ASTN2: variants seen among roughly 807,000 people sequenced by gnomAD.
ASTN2 encodes the protein astrotactin 2.
Under a neutral mutation model 139.8 loss-of-function variants are expected in ASTN2, and 54 were observed. The observed-to-expected ratio is 0.39, with a 90% CI of 0.31 to 0.48. The LOEUF (loss-of-function observed/expected upper bound fraction) is 0.48, where lower values mean the gene tolerates loss of function less well. Ranked by LOEUF, ASTN2 falls within the 20% of genes least tolerant of loss-of-function variation. The probability of loss-of-function intolerance (pLI) is 0.95; values close to 1 mark genes in which losing one functional copy is unlikely to be tolerated. For missense variants in ASTN2, 1,565 were observed against 1,725.1 expected (o/e 0.91, Z 1.64); for synonymous variants, 756 against 719.5 (o/e 1.05, Z -0.81).
chr9:117,161,468 A>C (rs926582351), intron 3 of ASTN2, among the ~76,000 whole-genome samples: 3 of 151,990 alleles, frequency 2.0e-5, no homozygotes, highest in Non-Finnish European at 4.4e-5. Flanking sequence ...ATCTCGGCTC[A>C]CTGCAACCTA....
chr9:117,149,502 C>A (rs1212004919), intron 3 of ASTN2, among the ~76,000 whole-genome samples: 2 of 151,950 alleles, frequency 1.3e-5, no homozygotes, highest in African/African-American at 4.8e-5. Context: ...ACCAATGCAA[C>A]CTCAGTTTGT....
At chr9:117,403,430 A>C (rs1830894157) in intron 1 of ASTN2, among the ~76,000 whole-genome samples, 1 of 152,198 alleles carries the variant, frequency 6.6e-6, no homozygotes, top group Admixed American at 6.5e-5. Context: ...TCAAAGGACC[A>C]GTCCTGCTCC....
intron 5 of ASTN2, among the ~76,000 whole-genome samples, chr9:117,056,439 G>A (rs1839066772): frequency 6.6e-6 from 1 of 152,154 alleles, no homozygotes; most frequent in South Asian, 2.1e-4. Context: ...GCAACTCATA[G>A]AACTTGCAAA....
chr9:116,904,912 T>G (rs1474492515), intron 10 of ASTN2, among the ~76,000 whole-genome samples: 1 of 152,174 alleles, frequency 6.6e-6, no homozygotes, highest in Middle Eastern at 3.2e-3. Context: ...CAGCCATTTG[T>G]GACTATGAGG....
At chr9:116,691,864 G>A (rs1219848073) in intron 16 of ASTN2, among the ~76,000 whole-genome samples, 5 of 152,154 alleles carry the variant, frequency 3.3e-5, no homozygotes, top group Non-Finnish European at 5.9e-5. Context: ...TTAGAAAGCT[G>A]ACATAAAAGG....
chr9:117,109,175 A>G (rs1178302017), intron 4 of ASTN2, among the ~76,000 whole-genome samples: 1 of 151,908 alleles, frequency 6.6e-6, no homozygotes, highest in African/African-American at 2.4e-5. Flanking sequence ...CCAGCTACTC[A>G]AGAGGCTGAG....
At position 117,039,886 on chromosome 9, in the gene ASTN2, G is replaced by A; in HGVS notation, c.1356C>T (p.Gly452=). Residue 452 remains glycine (G), a synonymous_variant, in exon 6 of 23, where the codon GGC becomes GGT. Transcript: ENST00000313400. ...CAGTGAGTGGACAAGACATCTGGCT[G>A]CCACACACCATGGCCAGGATGCAGG... ...VSSCILAMVC[G]SQMSCPLTVK... The A allele has an allele frequency of 1.2e-6, 2 of 1,613,774 alleles. No individual in the cohort carries two copies. The highest frequency in any genetic ancestry group is 8.5e-7 in the Non-Finnish European group (1 of 1,179,850).
intron 19 of ASTN2, among the ~76,000 whole-genome samples, chr9:116,591,336 C>T (rs1854370702): frequency 6.6e-6 from 1 of 152,184 alleles, no homozygotes; most frequent in Non-Finnish European, 1.5e-5. Context: ...AACCTGAAGC[C>T]ACCTGCCCTT....
Position 117,360,968 on chromosome 9 carries a change from C to T in ASTN2, c.442+53529G>A, listed in dbSNP as rs144773786. The stretch of plus-strand genomic sequence containing the variant: ...AGAATTGGTGACATTATTTATTTCT[C>T]ATATCCTCAGGACTTAAATCCCCGA... On this transcript the variant is annotated intron_variant, in intron 1 of 22. Transcript: ENST00000313400. Among the ~76,000 whole-genome samples, 1,419 of 152,154 alleles carry T rather than the reference C, an allele frequency of 9.3e-3. 28 individuals carry two copies. The highest frequency in any genetic ancestry group is 0.032 in the African/African-American group (1,345 of 41,504).
chr9:117,047,144 G>A (rs1280073752), intron 5 of ASTN2, among the ~76,000 whole-genome samples: 2 of 152,150 alleles, frequency 1.3e-5, no homozygotes, highest in Non-Finnish European at 2.9e-5. Flanking sequence ...CTGAAATTGG[G>A]ACACGTCATC....
At chr9:116,599,454 A>T (rs1289590973) in intron 19 of ASTN2, among the ~76,000 whole-genome samples, 1 of 152,254 alleles carries the variant, frequency 6.6e-6, no homozygotes, top group African/African-American at 2.4e-5. Context: ...TATCATCTAC[A>T]TGCCCCAGGC....
chr9:116,766,608 A>G (rs1479947398), intron 13 of ASTN2, among the ~76,000 whole-genome samples: 2 of 151,984 alleles, frequency 1.3e-5, no homozygotes, highest in Non-Finnish European at 1.5e-5. Flanking sequence ...ATCACACACA[A>G]GCATACATAT....
chr9:116,771,020 T>G (rs1055467604), intron 13 of ASTN2, among the ~76,000 whole-genome samples: 5 of 152,208 alleles, frequency 3.3e-5, no homozygotes, highest in Admixed American at 2.0e-4. Context: ...TCTTATGTAT[T>G]TTCTGTCATG....
chr9:117,339,922 A>G (rs978536543), intron 1 of ASTN2, among the ~76,000 whole-genome samples: 2 of 152,072 alleles, frequency 1.3e-5, no homozygotes, highest in East Asian at 1.9e-4. Context: ...AAAAAAAAAA[A>G]AATTTAAAGA....
In ASTN2 at chr9:116,742,877, C is replaced by G. The variant is rs1829131115; in HGVS notation, c.2397-9354G>C. 3.9e-5 allele frequency among the ~76,000 whole-genome samples: 6 copies of G among 152,130 alleles called. No individual in the cohort carries two copies. The South Asian group carries it at 1.0e-3, about 26-fold the overall frequency. On this transcript the variant is annotated intron_variant, in intron 13 of 22. Coordinates refer to ENST00000313400, the MANE Select transcript of ASTN2 (RefSeq NM_001365068.1). ...GAGGCTGAGATTAGAACATTAGAAC[C>G]AAGGGGGCTTCAGAGTGTTGAGACC... is the stretch of plus-strand genomic sequence containing the variant.
At chr9:116,824,625 C>T (rs1158945384) in intron 11 of ASTN2, among the ~76,000 whole-genome samples, 2 of 152,210 alleles carry the variant, frequency 1.3e-5, no homozygotes, top group Non-Finnish European at 2.9e-5. Flanking sequence ...GCCAGAACCA[C>T]ACATAGAAGC....
intron 2 of ASTN2, among the ~76,000 whole-genome samples, chr9:117,256,463 G>T (rs574026598): frequency 1.3e-5 from 2 of 152,252 alleles, no homozygotes; most frequent in African/African-American, 4.8e-5. Flanking sequence ...AGGCACTAAG[G>T]TTCCCATCTT....
In ASTN2 at chr9:116,620,438, G is replaced by C. The variant is rs941176179; in HGVS notation, c.3078C>G (p.Phe1026Leu). Reference sequence around the variant, plus strand: ...AGTAGGAACTCATCAGTGCACTCTTGAAGGCCTGGACAAAAAAAGAGGACA... The same window carrying C: ...AGTAGGAACTCATCAGTGCACTCTTCAAGGCCTGGACAAAAAAAGAGGACA... ...LIQDNGTKEA[F>L]KSALMSSYWC... The change falls in exon 18 of 23, where the codon TTC becomes TTG. Residue 1026 changes from phenylalanine (F) to leucine (L), a missense_variant. Phe to Leu is a conservative substitution (Grantham distance 22). Transcript: ENST00000313400. 2 of 1,613,972 alleles carry C rather than the reference G, an allele frequency of 1.2e-6. No homozygotes were observed. The highest frequency in any genetic ancestry group is 2.7e-5 in the African/African-American group (2 of 74,908).
intron 10 of ASTN2, among the ~76,000 whole-genome samples, chr9:116,902,246 C>T (rs182135551): frequency 2.6e-5 from 4 of 152,076 alleles, no homozygotes; most frequent in African/African-American, 7.2e-5. Flanking sequence ...GATCCTGACC[C>T]TGTGGAAACC....
Sources: gnomAD v4.1 joint callset for allele counts (sites outside exome capture counted in the v4.1 genomes callset) on GRCh38, gnomAD v4.1.1 for gene constraint, MANE v1.5 for transcripts, NCBI Gene and HGNC (gene_info 2026-07-23, HGNC 2026-07-21) for gene names.